The following LRP2 variants were observed in gnomAD, a reference collection of about 807,000 sequenced individuals.
LRP2 encodes the protein low-density lipoprotein receptor-related protein 2.
In LRP2, 172 loss-of-function variants were observed where a neutral mutation model predicts 531.0. The observed-to-expected ratio is 0.32, with a 90% CI of 0.29 to 0.37. The LOEUF (loss-of-function observed/expected upper bound fraction) is 0.37, where lower values mean the gene tolerates loss of function less well. Among genes scored for constraint, LRP2 ranks in the 10% least tolerant of loss-of-function variants. The pLI is 1.00. For synonymous variants in LRP2, 1,992 were observed against 2,027.6 expected, an observed-to-expected ratio of 0.98 and a Z score of 0.47; for missense variants, 5,167 against 5,868.3, an observed-to-expected ratio of 0.88 and a Z score of 3.90.
At chr2:169,180,693 A>G (rs1687395861) in intron 52 of LRP2, among the ~76,000 whole-genome samples, 1 of 152,240 alleles carries the variant, frequency 6.6e-6, no homozygotes, top group Non-Finnish European at 1.5e-5. Context: ...AAAAATTTGA[A>G]ATAGTTCTAC....
At chr2:169,217,332 T>C (rs896488066) in intron 34 of LRP2, among the ~76,000 whole-genome samples, 4 of 152,146 alleles carry the variant, frequency 2.6e-5, no homozygotes, top group African/African-American at 9.7e-5. Context: ...GAATTTCATC[T>C]TCAACTCTAA....
chr2:169,177,496 A>G (rs182457288), intron 53 of LRP2, among the ~76,000 whole-genome samples: 12 of 152,318 alleles, frequency 7.9e-5, no homozygotes, highest in African/African-American at 2.2e-4. Context: ...TCCCATAGAA[A>G]TAGATGAAGT....
Position 169,206,171 on chromosome 2 carries a change from C to T in LRP2, c.7408G>A (p.Gly2470Ser). The T allele has an allele frequency of 6.2e-7, 1 of 1,614,158 alleles. No individual in the cohort carries two copies. Among genetic ancestry groups the T allele is most frequent in the Non-Finnish European group, 8.5e-7 (1 of 1,180,022 alleles). The change falls in exon 40 of 79, where the codon GGC becomes AGC. Residue 2470 changes from glycine to serine, a missense_variant. Coordinates refer to ENST00000649046, the MANE Select transcript of LRP2 (RefSeq NM_004525.3). The part of the protein sequence containing the change: ...VIASGIGTAD[G>S]IAFDWITRRI... ...CTAGTAATCCAGTCAAAGGCAATGC[C>T]ATCAGCAGTCCCTATACCTGGACAC...
intron 3 of LRP2, among the ~76,000 whole-genome samples, chr2:169,314,245 A>ATAAAT (rs1559071093): frequency 5.5e-4 from 77 of 140,474 alleles, no homozygotes; most frequent in African/African-American, 2.2e-3. Flanking sequence ...AAAGAAAAAA[A>ATAAAT]AAATAAATTT....
Position 169,194,801 on chromosome 2 carries a change from A to G in LRP2, c.8699-909T>C, listed in dbSNP as rs144773209. On this transcript the variant is annotated intron_variant, in intron 46 of 78. Transcript: ENST00000649046. ...AGTGGTGCGATCTCGGCTCACTGCA[A>G]CCTCCGCCTCCCAGGTTCAAGTGAT... Among the ~76,000 whole-genome samples, 1,066 of 147,496 alleles carry G rather than the reference A, an allele frequency of 7.2e-3. 7 individuals are homozygous for G. The highest frequency in any genetic ancestry group is 0.024 in the Middle Eastern group (7 of 288).
chr2:169,143,438 C>T (rs762627241), intron 70 of LRP2, among the ~76,000 whole-genome samples: 4 of 152,008 alleles, frequency 2.6e-5, no homozygotes, highest in East Asian at 1.9e-4. Flanking sequence ...GTCAGGAGAT[C>T]GAGACCATCC....
At chr2:169,327,442 G>C (rs1169857437) in intron 1 of LRP2, among the ~76,000 whole-genome samples, 1 of 117,712 alleles carries the variant, frequency 8.5e-6, no homozygotes, top group African/African-American at 3.3e-5. Context: ...GAGGTGGGGG[G>C]ATCAGCACCC....
intron 33 of LRP2, among the ~76,000 whole-genome samples, chr2:169,222,560 A>G (rs2105356016): frequency 6.6e-6 from 1 of 152,276 alleles, no homozygotes; most frequent in Middle Eastern, 3.4e-3. Context: ...AAATTCCAAG[A>G]TCACCAATGG....
At position 169,182,206 on chromosome 2, in the gene LRP2, A is replaced by G. The variant is rs771074578; in HGVS notation, c.9959T>C (p.Phe3320Ser). 6.2e-7 allele frequency: 1 copy of G among 1,614,192 alleles called. No individual in the cohort carries two copies. Among genetic ancestry groups the G allele is most frequent in the Non-Finnish European group, 8.5e-7 (1 of 1,180,002 alleles). The change falls in exon 51 of 79, where the codon TTT becomes TCT. Residue 3320 changes from phenylalanine (F) to serine (S), a missense_variant. This residue lies in a region of LRP2 where 1,129 missense variants were observed against 1,362.7 expected (regional missense o/e 0.83). Transcript: ENST00000649046. The part of the protein sequence containing the change: ...HCVDANNTFC[F>S]DNPRGLALHP... ...AAGGGCAAGTCCTCTGGGATTATCA[A>G]AGCAGAAGGTGTTGTTGGCATCCAC...
chr2:169,182,415 C>G, intron 50 of LRP2, 96 bp from the exon 51 acceptor site: 1 of 1,595,428 alleles, frequency 6.3e-7, no homozygotes, highest in Non-Finnish European at 8.5e-7. Flanking sequence ...CTGAGAATCA[C>G]AGACAGTTGT....
Position 169,362,479 on chromosome 2 carries a change from C to G in LRP2, c.-80G>C, listed in dbSNP as rs1686196287. 1.6e-6 allele frequency: 2 copies of G among 1,243,848 alleles called. No homozygotes were observed. Among genetic ancestry groups the G allele is most frequent in the Admixed American group, 4.0e-5 (2 of 50,518 alleles). The allele number at this position is 1,243,848 out of a possible 1,614,324, so 77.1% of individuals were successfully genotyped here. A position where few individuals can be genotyped will look rare whatever the true frequency, so the allele number is the denominator to read the frequency against. ...GCACACCGCACCGGCAGCGCCTCTG[C>G]TAGCGAACGCTCCTTTAGGTCTGCA... On this transcript the variant is annotated 5_prime_UTR_variant, in exon 1 of 79. Coordinates refer to ENST00000649046, the MANE Select transcript of LRP2 (RefSeq NM_004525.3).
At chr2:169,272,645 G>C (rs978275702) in intron 15 of LRP2, among the ~76,000 whole-genome samples, 1 of 152,088 alleles carries the variant, frequency 6.6e-6, no homozygotes, top group African/African-American at 2.4e-5. Context: ...GGAGAAAAAG[G>C]CTTCAGGAAA....
chr2:169,213,856 G>A lies in LRP2; in HGVS notation c.5841C>T (p.Asn1947=), dbSNP rs569277988. 1.5e-5 allele frequency: 24 copies of A among 1,612,710 alleles called. No homozygotes were observed. The highest frequency in any genetic ancestry group is 1.8e-5 in the Non-Finnish European group (21 of 1,179,062). The stretch of plus-strand genomic sequence containing the variant: ...GGATCATTCGATCTGTTCCATCCAC[G>A]TTTCCTCTTTCAATCTAAAGGATTG... ...VTGRGVIERG[N]VDGTDRMILV... is the part of the protein sequence containing the mutation. The change falls in exon 36 of 79, where the codon AAC becomes AAT. Residue 1947 remains asparagine (N), a synonymous_variant. Coordinates refer to ENST00000649046, the MANE Select transcript of LRP2 (RefSeq NM_004525.3).
intron 76 of LRP2, among the ~76,000 whole-genome samples, chr2:169,134,955 C>T (rs1296671286): frequency 3.3e-5 from 5 of 152,170 alleles, no homozygotes; most frequent in Admixed American, 6.5e-5. Context: ...CTGTCCCTCA[C>T]AGTCAGTTTT....
At position 169,234,135 on chromosome 2, in the gene LRP2, T is replaced by A. The variant is rs374891141; in HGVS notation, c.4921-547A>T. 2.6e-3 allele frequency among the ~76,000 whole-genome samples: 400 copies of A among 152,348 alleles called. 21 individuals are homozygous for A. In the South Asian group the frequency reaches 0.069, roughly 26 times the overall value. The stretch of plus-strand genomic sequence containing the variant: ...CTTTTTTAAATTGTTTTTAATTTTT[T>A]ATTTTTTATTTTACTTTAAGTTCTG... On this transcript the variant is annotated intron_variant, in intron 29 of 78. Transcript: ENST00000649046.
Position 169,204,191 on chromosome 2 carries a change from G to C in LRP2, c.7796C>G (p.Thr2599Ser). 2 of 1,614,130 alleles carry C rather than the reference G, an allele frequency of 1.2e-6. No homozygotes were observed. The highest frequency in any genetic ancestry group is 1.7e-6 in the Non-Finnish European group (2 of 1,180,018). Residue 2599 changes from threonine to serine, a missense_variant, in exon 42 of 79, where the codon ACT (threonine) becomes AGT (serine). Coordinates refer to ENST00000649046, the MANE Select transcript of LRP2 (RefSeq NM_004525.3). ...CCAGTAAATATACTGGCCATAGAGA[G>C]TCAAGCCAAAAGCATGAACGGCTGC... Reference protein sequence around the residue: ...VNAAVHAFGLTLYGQYIYWTD... With the variant: ...VNAAVHAFGLSLYGQYIYWTD...
chr2:169,132,685 T>C lies in LRP2; in HGVS notation c.13621-4A>G. 6.9e-7 allele frequency: 1 copy of C among 1,454,878 alleles called. No homozygotes were observed. Among genetic ancestry groups the C allele is most frequent in the Middle Eastern group, 1.7e-4 (1 of 5,774 alleles). 90.1% of individuals were successfully genotyped at this position (1,454,878 alleles called of 1,614,324 possible). A position where few individuals can be genotyped will look rare whatever the true frequency, so the allele number is the denominator to read the frequency against. On this transcript the variant is annotated splice_region_variant and splice_polypyrimidine_tract_variant and intron_variant, in intron 76 of 78. Coordinates refer to ENST00000649046, the MANE Select transcript of LRP2 (RefSeq NM_004525.3). ...CCACATTTTCAGATACAGTCACCTGTGGACATGTTAAAGGCCTTTACCCAA... is the reference window on the plus strand; with the variant it reads ...CCACATTTTCAGATACAGTCACCTGCGGACATGTTAAAGGCCTTTACCCAA...
chr2:169,256,982 C>T (rs1690328591), intron 18 of LRP2, 142 bp downstream of exon 18: 1 of 914,500 alleles, frequency 1.1e-6, no homozygotes, highest in Non-Finnish European at 1.8e-6. Context: ...CAATATCCTT[C>T]TCCCATCACC....
At chr2:169,233,702 A>C (rs532949959) in intron 29 of LRP2, 114 bp from the exon 30 acceptor site, 1 of 942,176 alleles carries the variant, frequency 1.1e-6, no homozygotes, top group Admixed American at 2.0e-5. Context: ...TCATTATTTA[A>C]TAAAAACACA....
Sources: allele counts gnomAD v4.1 joint callset (sites outside exome capture counted in the v4.1 genomes callset), GRCh38; gene constraint gnomAD v4.1.1; regional missense constraint gnomAD v4.1.1; transcripts MANE v1.5; gene names NCBI Gene and HGNC (gene_info 2026-07-23, HGNC 2026-07-21).